Variants in DSCAM observed in about 807,000 individuals in gnomAD.
The protein encoded by DSCAM is DS cell adhesion molecule.
A neutral mutation model predicts 217.7 loss-of-function variants in DSCAM; 47 were observed. The ratio of observed to expected loss-of-function variants is 0.22; its 90% CI spans 0.17 to 0.28. DSCAM has a LOEUF of 0.28. Ranked by LOEUF, DSCAM falls within the 10% of genes least tolerant of loss-of-function variation. The pLI, the probability that DSCAM is intolerant of heterozygous loss-of-function variation, is 1.00. For synonymous variants in DSCAM, 1,056 were observed against 1,015.3 expected, an observed-to-expected ratio of 1.04 and a Z score of -0.76; for missense variants, 2,080 against 2,618.3, an observed-to-expected ratio of 0.79 and a Z score of 4.49.
At chr21:40,407,400 G>A (rs1601619070) in intron 3 of DSCAM, among the ~76,000 whole-genome samples, 1 of 152,210 alleles carries the variant, frequency 6.6e-6, no homozygotes, top group Non-Finnish European at 1.5e-5. Flanking sequence ...AGATTCAAGG[G>A]TAGGGACTCT....
rs188511370 is a variant in DSCAM, at chr21:40,360,392, C to A, written c.656-6649G>T. Among the ~76,000 whole-genome samples, 5 of 152,050 alleles carry A rather than the reference C, an allele frequency of 3.3e-5. No individual in the cohort carries two copies. The East Asian group carries it at 9.7e-4, about 29-fold the overall frequency. ...CTTGTGATCCGCCCATCTAGGCCTCCCAAAGTGCTGGGATTACAGGTGTGA... is the reference window on the plus strand; with the variant it reads ...CTTGTGATCCGCCCATCTAGGCCTCACAAAGTGCTGGGATTACAGGTGTGA... On this transcript the variant is annotated intron_variant, in intron 4 of 32. Coordinates refer to ENST00000400454, the MANE Select transcript of DSCAM (RefSeq NM_001389.5).
intron 1 of DSCAM, among the ~76,000 whole-genome samples, chr21:40,807,240 C>A (rs2091796547): frequency 6.6e-6 from 1 of 152,276 alleles, no homozygotes; most frequent in Middle Eastern, 3.4e-3. Flanking sequence ...GACCACGTAA[C>A]CATATAGTGT....
At chr21:40,495,982 G>GA (rs1284940243) in intron 3 of DSCAM, among the ~76,000 whole-genome samples, 1 of 151,960 alleles carries the variant, frequency 6.6e-6, no homozygotes, top group Non-Finnish European at 1.5e-5. Context: ...CCAAGGAAGT[G>GA]AAAAATCTGT....
chr21:40,123,220 G>A (rs1034606971), intron 20 of DSCAM, among the ~76,000 whole-genome samples: 2 of 152,242 alleles, frequency 1.3e-5, no homozygotes, highest in African/African-American at 4.8e-5. Context: ...GGTGGTGATG[G>A]CTTCACAACA....
chr21:40,708,317 C>A, intron 2 of DSCAM, 137 bp downstream of exon 2: 1 of 662,104 alleles, frequency 1.5e-6, no homozygotes, highest in Non-Finnish European at 2.2e-6. Context: ...TTAAAGAAGT[C>A]ATCAGCAAGG....
At chr21:40,365,483 T>G (rs1294500262) in intron 4 of DSCAM, among the ~76,000 whole-genome samples, 2 of 152,170 alleles carry the variant, frequency 1.3e-5, no homozygotes, top group East Asian at 3.9e-4. Flanking sequence ...CTCCTCAGCT[T>G]GCAGACGGCC....
At chr21:40,577,934 C>T (rs111576359) in intron 3 of DSCAM, among the ~76,000 whole-genome samples, 4,826 of 152,156 alleles carry the variant, frequency 0.032, 238 homozygotes, top group African/African-American at 0.11. Context: ...AGTCAGCTTG[C>T]ACAAGTTAAG....
intron 32 of DSCAM, among the ~76,000 whole-genome samples, chr21:40,033,917 G>A (rs58461690): frequency 7.1e-6 from 1 of 139,922 alleles, no homozygotes; most frequent in Non-Finnish European, 1.5e-5. Context: ...AGCAGGGGCA[G>A]ACTGACACCT....
At chr21:40,262,728 A>C (rs533703410) in intron 11 of DSCAM, among the ~76,000 whole-genome samples, 1 of 152,178 alleles carries the variant, frequency 6.6e-6, no homozygotes, top group African/African-American at 2.4e-5. Context: ...TATGTGACTG[A>C]TGGGCTTTGG....
At chr21:40,499,166 C>A (rs932377896) in intron 3 of DSCAM, among the ~76,000 whole-genome samples, 5 of 152,062 alleles carry the variant, frequency 3.3e-5, no homozygotes, top group Non-Finnish European at 7.4e-5. Context: ...TGTATGAATA[C>A]TTGCAGACTA....
intron 32 of DSCAM, among the ~76,000 whole-genome samples, chr21:40,039,798 T>TAAC (rs1555868350): frequency 6.6e-6 from 1 of 152,092 alleles, no homozygotes; most frequent in Non-Finnish European, 1.5e-5. Flanking sequence ...CTGGGGATCA[T>TAAC]AACTATTTGT....
chr21:40,220,547 G>A (rs1011336953), intron 11 of DSCAM, among the ~76,000 whole-genome samples: 5 of 152,072 alleles, frequency 3.3e-5, no homozygotes, highest in African/African-American at 1.2e-4. Flanking sequence ...TTCCTCCATG[G>A]TACATAAATA....
intron 4 of DSCAM, among the ~76,000 whole-genome samples, chr21:40,367,247 A>G (rs2074843056): frequency 6.6e-6 from 1 of 152,160 alleles, no homozygotes; most frequent in South Asian, 2.1e-4. Context: ...GGTTATTTGC[A>G]GTTTTCTGAC....
intron 3 of DSCAM, among the ~76,000 whole-genome samples, chr21:40,449,204 G>C (rs1418701420): frequency 6.6e-6 from 1 of 152,050 alleles, no homozygotes; most frequent in Non-Finnish European, 1.5e-5. Context: ...GGATAATAGA[G>C]GATAAACTCT....
At chr21:40,626,231 C>T (rs1312979177) in intron 3 of DSCAM, among the ~76,000 whole-genome samples, 7 of 152,138 alleles carry the variant, frequency 4.6e-5, no homozygotes, top group Non-Finnish European at 7.3e-5. Context: ...TGCCTCATCC[C>T]TGCCCTCAGC....
In DSCAM at chr21:40,040,589, A is replaced by G. The variant is rs142828794; in HGVS notation, c.5686+1782T>C. On this transcript the variant is annotated intron_variant, in intron 32 of 32. Transcript: ENST00000400454. Reference sequence around the variant, plus strand: ...GTGGTCACTGGAGAAAAATAAAAGCAAGAAGGAAGAGGAGGTCAGCAGTAC... The same window carrying G: ...GTGGTCACTGGAGAAAAATAAAAGCGAGAAGGAAGAGGAGGTCAGCAGTAC... Among the ~76,000 whole-genome samples the G allele has an allele frequency of 3.6e-3, 547 of 152,330 alleles. 4 individuals are homozygous for G. The highest frequency in any genetic ancestry group is 0.013 in the African/African-American group (523 of 41,572).
intron 3 of DSCAM, among the ~76,000 whole-genome samples, chr21:40,451,503 C>T (rs888769964): frequency 2.0e-5 from 3 of 152,140 alleles, no homozygotes; most frequent in African/African-American, 4.8e-5. Flanking sequence ...AAGAATCCTA[C>T]ACAATTAGGT....
At chr21:40,754,607 G>T (rs1313523073) in intron 1 of DSCAM, among the ~76,000 whole-genome samples, 3 of 152,162 alleles carry the variant, frequency 2.0e-5, no homozygotes, top group African/African-American at 7.2e-5. Context: ...GGCTGTCACT[G>T]GCCGTGGCTG....
At chr21:40,667,911 C>T (rs974828440) in intron 3 of DSCAM, among the ~76,000 whole-genome samples, 2 of 152,166 alleles carry the variant, frequency 1.3e-5, no homozygotes, top group African/African-American at 4.8e-5. Flanking sequence ...CACCTCTCCA[C>T]TCTGAATTTA....
Sources: gnomAD v4.1 joint callset for allele counts (sites outside exome capture counted in the v4.1 genomes callset) on GRCh38, gnomAD v4.1.1 for gene constraint, MANE v1.5 for transcripts, NCBI Gene and HGNC (gene_info 2026-07-23, HGNC 2026-07-21) for gene names.